Variants in CCDC73 observed in about 807,000 individuals in gnomAD.
CCDC73 encodes coiled-coil domain-containing protein 73.
A neutral mutation model predicts 116.5 loss-of-function variants in CCDC73; 95 were observed. The observed-to-expected ratio is 0.82, with a 90% CI of 0.69 to 0.97. The LOEUF is 0.97. Ranked by LOEUF, CCDC73 falls within the 50% of genes least tolerant of loss-of-function variation. The pLI, the probability that CCDC73 is intolerant of heterozygous loss-of-function variation, is 0.00. For synonymous variants in CCDC73, 398 were observed against 401.3 expected (o/e 0.99, Z 0.10); for missense variants, 1,066 against 1,206.8 (o/e 0.88, Z 1.73).
chr11:32,702,815 G>A, intron 4 of CCDC73, 58 bp downstream of exon 4: 1 of 1,134,098 alleles, frequency 8.8e-7, no homozygotes, highest in Non-Finnish European at 1.3e-6. Context: ...ATATTCATAG[G>A]AGGGGGAGGA....
intron 4 of CCDC73, among the ~76,000 whole-genome samples, chr11:32,701,075 T>TC (rs1359137769): frequency 2.4e-4 from 36 of 152,146 alleles, no homozygotes; most frequent in African/African-American, 8.4e-4. Flanking sequence ...CAGGCTATAC[T>TC]CCAACTCCAG....
chr11:32,798,717 T>C (rs796253382), upstream of CCDC73, among the ~76,000 whole-genome samples: 9 of 152,360 alleles, frequency 5.9e-5, no homozygotes, highest in African/African-American at 2.2e-4. Flanking sequence ...TAATCAGGCA[T>C]CTAACTCCAA....
chr11:32,828,735 C>G, the CCDC73 span, among the ~76,000 whole-genome samples: 1 of 152,148 alleles, frequency 6.6e-6, no homozygotes, highest in Non-Finnish European at 1.5e-5. Context: ...CCTTTTTACG[C>G]TCTTTTACAT....
intron 9 of CCDC73, among the ~76,000 whole-genome samples, chr11:32,674,086 G>A (rs902354617): frequency 6.6e-5 from 10 of 152,164 alleles, no homozygotes; most frequent in African/African-American, 1.9e-4. Flanking sequence ...GTCAGAAGAC[G>A]TGGAAGCCCA....
chr11:32,705,081 A>T (rs971998983), intron 3 of CCDC73, among the ~76,000 whole-genome samples: 6 of 152,190 alleles, frequency 3.9e-5, no homozygotes, highest in Non-Finnish European at 2.9e-5. Flanking sequence ...GTAACGCTAT[A>T]GCTCTCCCAG....
At chr11:32,759,806 C>T (rs907314071) in intron 2 of CCDC73, among the ~76,000 whole-genome samples, 2 of 152,174 alleles carry the variant, frequency 1.3e-5, no homozygotes, top group African/African-American at 4.8e-5. Flanking sequence ...TATTTTTCAT[C>T]AGCCATGTGT....
At chr11:32,631,492 T>C (rs1167436566) in intron 14 of CCDC73, among the ~76,000 whole-genome samples, 1 of 151,856 alleles carries the variant, frequency 6.6e-6, no homozygotes, top group Non-Finnish European at 1.5e-5. Flanking sequence ...TGGGTGATAC[T>C]CAATACCCAT....
At chr11:32,743,111 C>T (rs1258730127) in intron 2 of CCDC73, among the ~76,000 whole-genome samples, 1 of 152,006 alleles carries the variant, frequency 6.6e-6, no homozygotes, top group African/African-American at 2.4e-5. Flanking sequence ...CTTTGTTCTT[C>T]TTGCCCAGGA....
At chr11:32,811,650 G>T in the CCDC73 span, among the ~76,000 whole-genome samples, 25 of 152,214 alleles carry the variant, frequency 1.6e-4, no homozygotes, top group Admixed American at 5.2e-4. Flanking sequence ...GAAGGCAAAG[G>T]GGGGAGCCGG....
chr11:32,782,521 T>C (rs189859476), intron 1 of CCDC73, among the ~76,000 whole-genome samples: 1 of 152,344 alleles, frequency 6.6e-6, no homozygotes, highest in African/African-American at 2.4e-5. Context: ...CAATTCACTT[T>C]CTGGTGCCCC....
At chr11:32,819,614 C>G in the CCDC73 span, among the ~76,000 whole-genome samples, 1 of 152,094 alleles carries the variant, frequency 6.6e-6, no homozygotes, top group East Asian at 1.9e-4. Context: ...AGGTGTGTGC[C>G]ACTACACCTG....
In CCDC73 at chr11:32,611,215, G is replaced by A. The variant is rs1350206781; in HGVS notation, c.2947C>T (p.His983Tyr). The A allele has an allele frequency of 6.2e-7, 1 of 1,612,616 alleles. No homozygotes were observed. Among genetic ancestry groups the A allele is most frequent in the Non-Finnish European group, 8.5e-7 (1 of 1,178,726 alleles). Reference protein sequence around the residue: ...VADTLNNWSIHPDPKGEPSEE... With the variant: ...VADTLNNWSIYPDPKGEPSEE... ...CTGGGTTCTCCCTTGGGATCTGGAT[G>A]GATACTCCAGTTATTCAAAGTGTCA... is the stretch of plus-strand genomic sequence containing the variant. The change falls in exon 17 of 18, where the codon CAT becomes TAT. Residue 983 changes from histidine (H) to tyrosine (Y), a missense_variant. By Grantham distance (83) the His-to-Tyr change is moderately conservative (BLOSUM62 2). Coordinates refer to ENST00000335185, the MANE Select transcript of CCDC73 (RefSeq NM_001008391.4).
At chr11:32,664,704 T>G (rs1475590582) in intron 9 of CCDC73, among the ~76,000 whole-genome samples, 1 of 152,226 alleles carries the variant, frequency 6.6e-6, no homozygotes, top group East Asian at 1.9e-4. Flanking sequence ...AGTTATTTCT[T>G]GCCTTCTGCT....
intron 13 of CCDC73, among the ~76,000 whole-genome samples, chr11:32,641,435 T>G (rs7115208): frequency 0.29 from 43,707 of 151,702 alleles, 6,495 homozygotes; most frequent in South Asian, 0.35. Flanking sequence ...AAAATATGAT[T>G]TAAGGAAACA....
At chr11:32,629,774 A>AAAG (rs1369889295) in intron 14 of CCDC73, among the ~76,000 whole-genome samples, 105 of 151,908 alleles carry the variant, frequency 6.9e-4, no homozygotes, top group Non-Finnish European at 1.3e-3. Flanking sequence ...GCAAGCCAAA[A>AAAG]AAAAAAAAAA....
intron 6 of CCDC73, among the ~76,000 whole-genome samples, chr11:32,696,724 G>C (rs1856314503): frequency 6.6e-6 from 1 of 151,764 alleles, no homozygotes; most frequent in Non-Finnish European, 1.5e-5. Flanking sequence ...ACCATGCCCG[G>C]CCTCTTCTCT....
rs529877329 is a variant in CCDC73, at chr11:32,765,792, C to A, written c.-15-5534G>T. ...AATCTCTGAATAGACCAATAACAGG[C>A]TCTGAAATTGAGGCAATAATTAAGA... On this transcript the variant is annotated intron_variant, in intron 1 of 17. Transcript: ENST00000335185. 4.6e-5 allele frequency among the ~76,000 whole-genome samples: 7 copies of A among 152,300 alleles called. No individual in the cohort carries two copies. The South Asian group carries it at 1.0e-3, about 23-fold the overall frequency.
intron 12 of CCDC73, among the ~76,000 whole-genome samples, chr11:32,647,335 C>T (rs1215330290): frequency 6.6e-6 from 1 of 152,064 alleles, no homozygotes; most frequent in Non-Finnish European, 1.5e-5. Context: ...AACCAGATCT[C>T]GTGAAAACGA....
At chr11:32,628,440 G>C (rs918059360) in intron 14 of CCDC73, among the ~76,000 whole-genome samples, 2 of 152,166 alleles carry the variant, frequency 1.3e-5, no homozygotes, top group Non-Finnish European at 2.9e-5. Context: ...TATTAAGTTG[G>C]ACATGTGAGT....
Sources: gnomAD v4.1 joint callset for allele counts (sites outside exome capture counted in the v4.1 genomes callset) on GRCh38, gnomAD v4.1.1 for gene constraint, MANE v1.5 for transcripts, NCBI Gene and HGNC (gene_info 2026-07-23, HGNC 2026-07-21) for gene names.